The following SMG5 variants were observed in gnomAD, a reference collection of about 807,000 sequenced individuals.
SMG5 encodes the protein nonsense-mediated mRNA decay factor SMG5.
SMG5 carries 53 observed loss-of-function variants against 122.9 expected under a neutral mutation model. That is an observed-to-expected ratio of 0.43 (90% CI 0.35 to 0.54). The LOEUF is 0.54. Ranked by LOEUF, SMG5 falls within the 20% of genes least tolerant of loss-of-function variation. The pLI is 0.01. For synonymous variants in SMG5, 477 were observed against 490.2 expected (o/e 0.97, Z 0.35); for missense variants, 1,153 against 1,285.6 (o/e 0.90, Z 1.58).
At chr1:156,291,376 C>T in the SMG5 span, 2 of 1,612,928 alleles carry the variant, frequency 1.2e-6, no homozygotes, top group South Asian at 2.2e-5. Context: ...CCTTTTCTTG[C>T]CCCCATAGGC....
chr1:156,273,587 G>C, intron 5 of SMG5, 137 bp from the exon 6 acceptor site: 1 of 750,864 alleles, frequency 1.3e-6, no homozygotes, highest in South Asian at 1.7e-5. Context: ...CAGGTTGCTG[G>C]GGTCTCTGGC....
At position 156,255,787 on chromosome 1, in the gene SMG5, T is replaced by C. The variant is rs115401208; in HGVS notation, c.2443-2279A>G. On this transcript the variant is annotated intron_variant, in intron 16 of 21. Coordinates refer to ENST00000361813, the MANE Select transcript of SMG5 (RefSeq NM_015327.3). ...GCTTGGTGATGCATGCCTGTAGTCC[T>C]AGCTACTCAGGAGGCCGAGGCAGGA... Among the ~76,000 whole-genome samples the C allele has an allele frequency of 4.5e-3, 685 of 151,622 alleles. 8 individuals carry two copies. The highest frequency in any genetic ancestry group is 0.016 in the African/African-American group (652 of 41,352).
At chr1:156,282,253 C>G (rs537991296) in intron 1 of SMG5, among the ~76,000 whole-genome samples, 1 of 152,252 alleles carries the variant, frequency 6.6e-6, no homozygotes, top group South Asian at 2.1e-4. Context: ...TTCCAAGCAC[C>G]GTTCCCTTCC....
At position 156,261,389 on chromosome 1, in the gene SMG5, T is replaced by C. The variant is rs1231248951; in HGVS notation, c.2051A>G (p.Asn684Ser). 1.2e-6 allele frequency: 2 copies of C among 1,613,958 alleles called. No homozygotes were observed. The highest frequency in any genetic ancestry group is 8.5e-7 in the Non-Finnish European group (1 of 1,180,010). The change falls in exon 14 of 22, where the codon AAC becomes AGC. Residue 684 changes from asparagine (N) to serine (S), a missense_variant. By Grantham distance (46) the Asn-to-Ser change is conservative. Coordinates refer to ENST00000361813, the MANE Select transcript of SMG5 (RefSeq NM_015327.3). ...CAGATTCAGCAACACAGACAGGCGG[T>C]TCCACAGACTTTGAGAGCTCTGGGG... is the stretch of plus-strand genomic sequence containing the variant. ...VCAQSSQSLWNRLSVLLNLLP... is the reference protein window; with the variant it reads ...VCAQSSQSLWSRLSVLLNLLP...
At chr1:156,273,718 C>CTTTTTTTTTTTTTTTTTTTTTTTTT (rs748042052) in intron 5 of SMG5, among the ~76,000 whole-genome samples, 1 of 116,344 alleles carries the variant, frequency 8.6e-6, no homozygotes, top group Non-Finnish European at 1.7e-5. Flanking sequence ...GTTTTGTTTT[C>CTTTTTTTTTTTTTTTTTTTTTTTTT]TTTTTTTTTT....
At chr1:156,263,212 A>T (rs150442050) in intron 13 of SMG5, among the ~76,000 whole-genome samples, 183 bp downstream of exon 13, 1 of 152,346 alleles carries the variant, frequency 6.6e-6, no homozygotes, top group Non-Finnish European at 1.5e-5. Context: ...AGGCTTTGTG[A>T]GGGCCAAGAT....
At chr1:156,286,287 T>A, upstream of SMG5, 1 of 1,614,232 alleles carries the variant, frequency 6.2e-7, no homozygotes, top group Non-Finnish European at 8.5e-7. Context: ...CTGAGCCTGT[T>A]ATGCTTTTCT....
chr1:156,291,362 T>A, the SMG5 span: 2,229 of 1,611,490 alleles, frequency 1.4e-3, 38 homozygotes, highest in African/African-American at 0.026. Flanking sequence ...GAGAGTAGCC[T>A]GACCCTTTTC....
chr1:156,260,592 A>G lies in SMG5; in HGVS notation c.2142T>C (p.Leu714=). 1 of 1,521,038 alleles carries G rather than the reference A, an allele frequency of 6.6e-7. No individual in the cohort carries two copies. The highest frequency in any genetic ancestry group is 8.8e-7 in the Non-Finnish European group (1 of 1,140,200). The allele number at this position is 1,521,038 out of a possible 1,614,324, so 94.2% of individuals were successfully genotyped here. A position where few individuals can be genotyped will look rare whatever the true frequency, so the allele number is the denominator to read the frequency against. The change falls in exon 15 of 22, where the codon CTT becomes CTC. Residue 714 remains leucine, a synonymous_variant. Coordinates refer to ENST00000361813, the MANE Select transcript of SMG5 (RefSeq NM_015327.3). ...LALCPEVQDL[L]EGCELPDLPS... Reference sequence around the variant, plus strand: ...GGAGGTCAGGCAGTTCACAACCTTCAAGAAGATCTTGGACCTCAGGACACA... The same window carrying G: ...GGAGGTCAGGCAGTTCACAACCTTCGAGAAGATCTTGGACCTCAGGACACA...
intron 7 of SMG5, among the ~76,000 whole-genome samples, chr1:156,269,613 C>T (rs1004886198): frequency 1.3e-5 from 2 of 151,994 alleles, no homozygotes; most frequent in East Asian, 3.9e-4. Flanking sequence ...CAGTGGCTCA[C>T]ACCTGTAATC....
intron 10 of SMG5, 112 bp from the exon 11 acceptor site, chr1:156,266,790 T>A: frequency 1.7e-6 from 2 of 1,190,836 alleles, no homozygotes; most frequent in Non-Finnish European, 2.3e-6. Context: ...TCCAACTACT[T>A]ATCAAAGATT....
rs1412823006 is a variant in SMG5 at position 156,263,399 on chromosome 1, G to A, written c.2027C>T (p.Ala676Val). 1.9e-6 allele frequency: 3 copies of A among 1,612,960 alleles called. No homozygotes were observed. The highest frequency in any genetic ancestry group is 2.5e-6 in the Non-Finnish European group (3 of 1,179,366). ...CAATGGAGTGGACTGACACACCTGC[G>A]CACACACGATGATGAGGTCGGGGTT... ...RTNPDLIIVC[A>V]QSSQSLWNRL... Residue 676 changes from alanine (A) to valine (V), a missense_variant, in exon 13 of 22, where the codon GCG (alanine) becomes GTG (valine). By Grantham distance (64) the Ala-to-Val change is moderately conservative. Transcript: ENST00000361813.
At chr1:156,291,380 C>G in the SMG5 span, 5 of 1,614,056 alleles carry the variant, frequency 3.1e-6, no homozygotes, top group East Asian at 6.7e-5. Context: ...TTCTTGCCCC[C>G]ATAGGCTGAT....
upstream of SMG5, chr1:156,286,289 T>G: frequency 6.2e-7 from 1 of 1,614,250 alleles, no homozygotes; most frequent in Non-Finnish European, 8.5e-7. Flanking sequence ...GAGCCTGTTA[T>G]GCTTTTCTGC....
intron 4 of SMG5, among the ~76,000 whole-genome samples, chr1:156,276,187 C>T (rs1358556004): frequency 7.1e-6 from 1 of 141,372 alleles, no homozygotes; most frequent in Middle Eastern, 4.3e-3. Context: ...AGTGCAGTGG[C>T]GTGATCTTGG....
chr1:156,263,449 T>A lies in SMG5; in HGVS notation c.1977A>T (p.Lys659Asn). 6.2e-7 allele frequency: 1 copy of A among 1,614,238 alleles called. No homozygotes were observed. The highest frequency in any genetic ancestry group is 8.5e-7 in the Non-Finnish European group (1 of 1,180,052). ...TGGTCCGAAGCCAGTCCAGGAAGAC[T>A]TTCACAGCAGGAAGCAGACCTTCGG... The part of the protein sequence containing the change: ...LMAEGLLPAV[K>N]VFLDWLRTNP... The change falls in exon 13 of 22, where the codon AAA (lysine) becomes AAT (asparagine). Residue 659 changes from lysine (K) to asparagine (N), a missense_variant. Lys to Asn is a moderately conservative substitution (Grantham distance 94). Around this residue, in one of 5 missense-constraint regions of SMG5, gnomAD observed 631 missense variants for 650.6 expected, o/e 0.97. Transcript: ENST00000361813.
intron 16 of SMG5, 101 bp downstream of exon 16, chr1:156,258,904 T>C (rs888004300): frequency 7.0e-7 from 1 of 1,433,816 alleles, no homozygotes; most frequent in Non-Finnish European, 9.4e-7. Flanking sequence ...TCTTACTATG[T>C]CCTTCAGGTG....
chr1:156,251,097 G>A (rs1572569561), intron 20 of SMG5, 101 bp from the exon 21 acceptor site: 2 of 1,490,314 alleles, frequency 1.3e-6, no homozygotes, highest in Non-Finnish European at 1.8e-6. Context: ...GGGCTGGGAG[G>A]GCAGTGAGCA....
At chr1:156,253,400 C>T in intron 17 of SMG5, 49 bp downstream of exon 17, 1 of 1,591,924 alleles carries the variant, frequency 6.3e-7, no homozygotes. Context: ...AGGGTTGACA[C>T]AAAAGCTCTA....
Sources: allele counts gnomAD v4.1 joint callset (sites outside exome capture counted in the v4.1 genomes callset), GRCh38; gene constraint gnomAD v4.1.1; regional missense constraint gnomAD v4.1.1; transcripts MANE v1.5; gene names NCBI Gene and HGNC (gene_info 2026-07-23, HGNC 2026-07-21).